The following ZBBX variants were observed in gnomAD, a reference collection of about 807,000 sequenced individuals.
ZBBX encodes zinc finger B-box domain containing.
Under a neutral mutation model 108.5 loss-of-function variants are expected in ZBBX, and 101 were observed. That is an observed-to-expected ratio of 0.93 (90% CI 0.79 to 1.10). The LOEUF is 1.10. Among genes scored for constraint, ZBBX ranks in the 50% least tolerant of loss-of-function variants. The pLI, the probability that ZBBX is intolerant of heterozygous loss-of-function variation, is 0.00. For missense variants in ZBBX, 1,009 were observed against 941.4 expected (o/e 1.07, Z -0.94); for synonymous variants, 356 against 323.4 (o/e 1.10, Z -1.08).
chr3:167,233,131 T>G, the ZBBX span, among the ~76,000 whole-genome samples: 26 of 151,852 alleles, frequency 1.7e-4, no homozygotes, highest in African/African-American at 5.5e-4. Flanking sequence ...AAAAACTGCC[T>G]TAAGTCATAA....
intron 9 of ZBBX, among the ~76,000 whole-genome samples, chr3:167,348,294 A>AAGGAAGGAAGGAAGGAAG (rs1741889496): frequency 1.6e-5 from 1 of 63,464 alleles, no homozygotes; most frequent in Admixed American, 1.9e-4. Flanking sequence ...AAGGAAGGAA[A>AAGGAAGGAAGGAAGGAAG]GAAGAAAGAG....
chr3:167,214,045 G>A, the ZBBX span, among the ~76,000 whole-genome samples: 2 of 152,138 alleles, frequency 1.3e-5, no homozygotes, highest in Non-Finnish European at 2.9e-5. Flanking sequence ...AGCACTAAAT[G>A]TAGAAAGAAA....
chr3:167,261,775 C>CAAAAAAA (rs60045904), intron 20 of ZBBX, among the ~76,000 whole-genome samples: 1 of 96,280 alleles, frequency 1.0e-5, no homozygotes, highest in Non-Finnish European at 2.0e-5. Context: ...CTCCCAACTG[C>CAAAAAAA]AAAAAAAAAA....
At chr3:167,202,150 T>C in the ZBBX span, among the ~76,000 whole-genome samples, 5 of 152,100 alleles carry the variant, frequency 3.3e-5, no homozygotes, top group African/African-American at 4.8e-5. Context: ...ATATCCAAGG[T>C]CACACAGACT....
intron 16 of ZBBX, among the ~76,000 whole-genome samples, chr3:167,310,129 C>A (rs1363326633): frequency 6.6e-6 from 1 of 152,178 alleles, no homozygotes; most frequent in Non-Finnish European, 1.5e-5. Flanking sequence ...CAAAATGCTG[C>A]CAGTCTCTTT....
chr3:167,376,128 A>G (rs1746920736), intron 2 of ZBBX, among the ~76,000 whole-genome samples: 1 of 152,188 alleles, frequency 6.6e-6, no homozygotes, highest in South Asian at 2.1e-4. Flanking sequence ...TGTCTCTCAA[A>G]GCTAAATTAA....
At chr3:167,395,059 C>G (rs757848031) in intron 1 of ZBBX, among the ~76,000 whole-genome samples, 1 of 152,030 alleles carries the variant, frequency 6.6e-6, no homozygotes, top group Non-Finnish European at 1.5e-5. Flanking sequence ...ATACACTTAT[C>G]CTCTGAGAGG....
intron 1 of ZBBX, among the ~76,000 whole-genome samples, chr3:167,395,393 T>C (rs1317043680): frequency 2.0e-5 from 3 of 152,046 alleles, no homozygotes; most frequent in Non-Finnish European, 4.4e-5. Flanking sequence ...AATGCTCTTT[T>C]ACTGGGTGTA....
chr3:167,350,165 A>T (rs1742378769), intron 9 of ZBBX, among the ~76,000 whole-genome samples: 1 of 152,110 alleles, frequency 6.6e-6, no homozygotes, highest in Non-Finnish European at 1.5e-5. Context: ...TCAAGTTCAC[A>T]GTCAGAATAC....
intron 9 of ZBBX, among the ~76,000 whole-genome samples, chr3:167,339,042 G>A (rs1452657879): frequency 6.6e-6 from 1 of 152,052 alleles, no homozygotes; most frequent in Non-Finnish European, 1.5e-5. Context: ...AATCTGTTCT[G>A]ATTTCTTTGA....
chr3:167,398,013 C>T (rs1748305450), intron 1 of ZBBX, among the ~76,000 whole-genome samples: 1 of 151,804 alleles, frequency 6.6e-6, no homozygotes, highest in Non-Finnish European at 1.5e-5. Context: ...AAGAAAAATG[C>T]ACACAGTTGG....
intron 14 of ZBBX, 99 bp downstream of exon 14, chr3:167,316,906 A>C (rs1735551604): frequency 3.2e-6 from 2 of 628,616 alleles, no homozygotes; most frequent in East Asian, 6.2e-5. Context: ...TATGTTAGTT[A>C]TTTGAGAAAT....
At chr3:167,300,839 A>C (rs565323659) in intron 17 of ZBBX, among the ~76,000 whole-genome samples, 1 of 151,040 alleles carries the variant, frequency 6.6e-6, no homozygotes, top group African/African-American at 2.4e-5. Context: ...GCTGGTCTTG[A>C]ACTCCTGACC....
intron 20 of ZBBX, among the ~76,000 whole-genome samples, chr3:167,258,568 A>T (rs1723923550): frequency 6.6e-6 from 1 of 152,144 alleles, no homozygotes; most frequent in Non-Finnish European, 1.5e-5. Context: ...AAGAGTAGAC[A>T]TCCTGGTCTT....
chr3:167,290,945 A>G (rs1730576395), intron 18 of ZBBX, among the ~76,000 whole-genome samples: 1 of 152,188 alleles, frequency 6.6e-6, no homozygotes, highest in Admixed American at 6.5e-5. Flanking sequence ...ATCAAGCGGA[A>G]GAAAGTATAT....
At position 167,240,935 on chromosome 3, in the gene ZBBX, A is replaced by G. The variant is rs975495511; in HGVS notation, c.2394-16T>C. ...TCCAGAACAGCTGAAAATACATAAC[A>G]AGATCAATACACAATATACAGAACC... On this transcript the variant is annotated splice_polypyrimidine_tract_variant and intron_variant, in intron 21 of 21. Coordinates refer to ENST00000675490, the MANE Select transcript of ZBBX (RefSeq NM_001199201.2). 8.1e-6 allele frequency: 13 copies of G among 1,611,574 alleles called. No homozygotes were observed. The Admixed American group carries it at 1.3e-4, about 17-fold the overall frequency.
the ZBBX span, among the ~76,000 whole-genome samples, chr3:167,225,015 G>T: frequency 6.6e-6 from 1 of 151,766 alleles, no homozygotes; most frequent in East Asian, 1.9e-4. Context: ...GACCCTTTTT[G>T]GTTCTTCCAC....
intron 20 of ZBBX, among the ~76,000 whole-genome samples, chr3:167,256,115 A>T (rs898667543): frequency 6.6e-6 from 1 of 152,160 alleles, no homozygotes; most frequent in Non-Finnish European, 1.5e-5. Context: ...AGTGCCATCC[A>T]TGTTGTCACA....
intron 20 of ZBBX, among the ~76,000 whole-genome samples, chr3:167,277,942 A>G (rs924716725): frequency 3.3e-5 from 5 of 151,302 alleles, no homozygotes; most frequent in African/African-American, 1.2e-4. Flanking sequence ...AGGATTAAGA[A>G]TCTCACTCAA....
Sources: allele counts gnomAD v4.1 joint callset (sites outside exome capture counted in the v4.1 genomes callset), GRCh38; gene constraint gnomAD v4.1.1; transcripts MANE v1.5; gene names NCBI Gene and HGNC (gene_info 2026-07-23, HGNC 2026-07-21).